SDK1: variants seen among roughly 807,000 people sequenced by gnomAD.
SDK1 encodes protein sidekick-1.
In SDK1, 157 loss-of-function variants were observed where a neutral mutation model predicts 245.5. The observed-to-expected ratio is 0.64, with a 90% CI of 0.56 to 0.73. SDK1 has a LOEUF of 0.73. Among genes scored for constraint, SDK1 ranks in the 30% least tolerant of loss-of-function variants. The pLI, the probability that SDK1 is intolerant of heterozygous loss-of-function variation, is 0.00. For synonymous variants in SDK1, 1,647 were observed against 1,278.5 expected (o/e 1.29, Z -6.15); for missense variants, 3,583 against 3,002.3 (o/e 1.19, Z -4.52).
intron 5 of SDK1, among the ~76,000 whole-genome samples, chr7:3,881,143 G>A (rs1254034296): frequency 1.3e-5 from 2 of 151,958 alleles, no homozygotes; most frequent in East Asian, 3.9e-4. Context: ...ATGAGGTGCA[G>A]GTTTGTTACG....
At chr7:4,036,745 C>G (rs1430034581) in intron 17 of SDK1, among the ~76,000 whole-genome samples, 3 of 152,130 alleles carry the variant, frequency 2.0e-5, no homozygotes, top group African/African-American at 7.2e-5. Context: ...TCCCTTCTGT[C>G]ATATGAGATT....
intron 44 of SDK1, among the ~76,000 whole-genome samples, chr7:4,247,535 C>T (rs1405033042): frequency 6.6e-6 from 1 of 152,246 alleles, no homozygotes; most frequent in Non-Finnish European, 1.5e-5. Context: ...GAGCAGGCAG[C>T]CTTCGAGCAG....
In SDK1 at chr7:4,206,238, G is replaced by C. The variant is rs115798430; in HGVS notation, c.5214+244G>C. 1.0e-2 allele frequency among the ~76,000 whole-genome samples: 1,517 copies of C among 152,336 alleles called. 28 individuals carry two copies. The highest frequency in any genetic ancestry group is 0.035 in the African/African-American group (1,454 of 41,578). On this transcript the variant is annotated intron_variant, in intron 36 of 44. Coordinates refer to ENST00000404826, the MANE Select transcript of SDK1 (RefSeq NM_152744.4). ...CTGTGCCCACCACAAAACAACCCAGGTTGGGGGCCCTTGTTTGTCCACTGG... is the reference window on the plus strand; with the variant it reads ...CTGTGCCCACCACAAAACAACCCAGCTTGGGGGCCCTTGTTTGTCCACTGG...
At chr7:4,074,909 TATATA>T (rs1254099615) in intron 20 of SDK1, among the ~76,000 whole-genome samples, 30 of 87,512 alleles carry the variant, frequency 3.4e-4, no homozygotes, top group East Asian at 1.4e-3. Context: ...TATATATATA[TATATA>T]TATTTTTTTT....
chr7:3,387,989 C>G (rs534575533), intron 1 of SDK1, among the ~76,000 whole-genome samples: 10 of 152,276 alleles, frequency 6.6e-5, no homozygotes, highest in African/African-American at 2.4e-4. Context: ...TTGTTTAGCT[C>G]CATAGCTCAT....
rs779191335 is a variant in SDK1 at position 4,265,855 on chromosome 7, G to A, written c.*471G>A. ...ACCCTTCTCAACGCAGGACATCCTC[G>A]GCGGCTCCTGGGGTTTGAAGAGCAA... On this transcript the variant is annotated 3_prime_UTR_variant, in exon 45 of 45. Transcript: ENST00000404826. The A allele has an allele frequency of 2.0e-6, 2 of 989,636 alleles. No homozygotes were observed. The highest frequency in any genetic ancestry group is 2.4e-6 in the Non-Finnish European group (2 of 833,164). The allele number at this position is 989,636 out of a possible 1,614,324, so 61.3% of individuals were successfully genotyped here.
intron 1 of SDK1, among the ~76,000 whole-genome samples, chr7:3,451,079 A>AGAG (rs1780498179): frequency 6.6e-6 from 1 of 152,106 alleles, no homozygotes; most frequent in South Asian, 2.1e-4. Context: ...AGGCAAAGTG[A>AGAG]GAGGAGTTTA....
chr7:4,080,731 T>C (rs781691025), intron 22 of SDK1, among the ~76,000 whole-genome samples: 4 of 152,056 alleles, frequency 2.6e-5, no homozygotes, highest in Non-Finnish European at 5.9e-5. Context: ...TGGGGAGGGA[T>C]AGCATTGGGA....
At chr7:3,951,283 A>T (rs1780808931) in intron 6 of SDK1, among the ~76,000 whole-genome samples, 1 of 152,114 alleles carries the variant, frequency 6.6e-6, no homozygotes, top group Non-Finnish European at 1.5e-5. Context: ...GGCTCCTCTG[A>T]GATCCTCTCT....
intron 14 of SDK1, among the ~76,000 whole-genome samples, chr7:3,995,908 T>C (rs2128142628): frequency 6.6e-6 from 1 of 152,262 alleles, no homozygotes; most frequent in South Asian, 2.1e-4. Context: ...CATACAGAAG[T>C]GTTTGACTTT....
rs561644372 is a variant in SDK1, at chr7:3,506,871, T to G, written c.299-112209T>G. ...AAATAAACACACACATTTATTCATT[T>G]GAATTCCTTCCTTATTAATTCCATC... is the stretch of plus-strand genomic sequence containing the variant. On this transcript the variant is annotated intron_variant, in intron 1 of 44. Transcript: ENST00000404826. 1.4e-4 allele frequency among the ~76,000 whole-genome samples: 21 copies of G among 152,338 alleles called. No homozygotes were observed. In the South Asian group the frequency reaches 4.1e-3, roughly 30 times the overall value.
chr7:4,211,632 C>A (rs544320439), intron 38 of SDK1, among the ~76,000 whole-genome samples: 3 of 152,028 alleles, frequency 2.0e-5, no homozygotes, highest in Non-Finnish European at 4.4e-5. Flanking sequence ...TTTTTTGAGA[C>A]GGAGTCTTGC....
chr7:3,726,960 G>C (rs1362665577), intron 4 of SDK1, among the ~76,000 whole-genome samples: 2 of 152,188 alleles, frequency 1.3e-5, no homozygotes, highest in African/African-American at 2.4e-5. Flanking sequence ...ACCATTTATT[G>C]CATACTAATC....
chr7:3,547,975 C>T (rs1779284194), intron 1 of SDK1, among the ~76,000 whole-genome samples: 1 of 152,182 alleles, frequency 6.6e-6, no homozygotes, highest in Non-Finnish European at 1.5e-5. Flanking sequence ...CCTGATTCTT[C>T]CTTCTGTTCT....
intron 1 of SDK1, among the ~76,000 whole-genome samples, chr7:3,543,677 G>A (rs963831805): frequency 6.6e-5 from 10 of 152,214 alleles, no homozygotes; most frequent in Non-Finnish European, 1.3e-4. Flanking sequence ...TTTGTTGAGT[G>A]AGATTGTGTT....
chr7:4,131,581 G>T (rs1784824577), intron 27 of SDK1, among the ~76,000 whole-genome samples: 1 of 152,182 alleles, frequency 6.6e-6, no homozygotes, highest in African/African-American at 2.4e-5. Flanking sequence ...CCTCTTACCT[G>T]GGAATCGGTC....
Position 4,268,788 on chromosome 7 carries a change from C to G in SDK1, c.*3404C>G. 1 of 1,350,324 alleles carries G rather than the reference C, an allele frequency of 7.4e-7. No individual in the cohort carries two copies. Among genetic ancestry groups the G allele is most frequent in the African/African-American group, 1.5e-5 (1 of 67,458 alleles). The allele number at this position is 1,350,324 out of a possible 1,614,324, so 83.6% of individuals were successfully genotyped here. On this transcript the variant is annotated 3_prime_UTR_variant, in exon 45 of 45. Transcript: ENST00000404826. ...CTGAAAGGTGAGGACAACGTGGAAA[C>G]TCATGAGCTGAGCCTGCCCGCTGGG...
In SDK1 at chr7:4,265,330, C is replaced by G. The variant is rs770803179; in HGVS notation, c.6588C>G (p.Thr2196=). ...ITTQSAGGVY[T]PAGPGARTPL... ...CGCAGAGCGCGGGCGGCGTCTACACCCCCGCTGGCCCCGGCGCGCGAACTC... is the reference window on the plus strand; with the variant it reads ...CGCAGAGCGCGGGCGGCGTCTACACGCCCGCTGGCCCCGGCGCGCGAACTC... Residue 2196 remains threonine (T), a synonymous_variant, in exon 45 of 45, where the codon ACC becomes ACG. Transcript: ENST00000404826. 1.1e-5 allele frequency: 17 copies of G among 1,479,418 alleles called. No individual in the cohort carries two copies. The highest frequency in any genetic ancestry group is 1.5e-5 in the Non-Finnish European group (17 of 1,128,734). The allele number at this position is 1,479,418 out of a possible 1,614,324, so 91.6% of individuals were successfully genotyped here.
chr7:3,424,750 A>C (rs1423032679), intron 1 of SDK1, among the ~76,000 whole-genome samples: 1 of 152,102 alleles, frequency 6.6e-6, no homozygotes, highest in Non-Finnish European at 1.5e-5. Context: ...TAAAAAAACT[A>C]GCCAGGCATG....
Sources: gnomAD v4.1 joint callset for allele counts (sites outside exome capture counted in the v4.1 genomes callset) on GRCh38, gnomAD v4.1.1 for gene constraint, MANE v1.5 for transcripts, NCBI Gene and HGNC (gene_info 2026-07-23, HGNC 2026-07-21) for gene names.